SLC6A5: variants seen among roughly 807,000 people sequenced by gnomAD.
The protein encoded by SLC6A5 is sodium- and chloride-dependent glycine transporter 2.
SLC6A5 carries 58 observed loss-of-function variants against 90.5 expected under a neutral mutation model. That is an observed-to-expected ratio of 0.64 (90% confidence interval 0.52 to 0.80). The LOEUF is 0.80. Among genes scored for constraint, SLC6A5 ranks in the 30% least tolerant of loss-of-function variants. The probability of loss-of-function intolerance (pLI) is 0.00; values close to 1 mark genes in which losing one functional copy is unlikely to be tolerated. For missense variants in SLC6A5, 1,015 were observed against 1,017.6 expected (o/e 1.00, Z 0.03); for synonymous variants, 427 against 401.4 (o/e 1.06, Z -0.76).
intron 2 of SLC6A5, among the ~76,000 whole-genome samples, chr11:20,602,445 A>G (rs1208112532): frequency 6.6e-6 from 1 of 152,178 alleles, no homozygotes; most frequent in Admixed American, 6.5e-5. Context: ...ACTCTCTCAT[A>G]TAGGCTTTTG....
intron 3 of SLC6A5, among the ~76,000 whole-genome samples, chr11:20,605,986 G>T (rs1419849942): frequency 6.6e-6 from 1 of 152,250 alleles, no homozygotes; most frequent in Non-Finnish European, 1.5e-5. Flanking sequence ...GCGGAGGGGC[G>T]GGAGCATGAA....
At chr11:20,646,116 A>G (rs770855271) in intron 13 of SLC6A5, among the ~76,000 whole-genome samples, 1 of 152,154 alleles carries the variant, frequency 6.6e-6, no homozygotes, top group Admixed American at 6.5e-5. Context: ...ATATTTCTCA[A>G]TGCCTTTTTC....
intron 14 of SLC6A5, among the ~76,000 whole-genome samples, chr11:20,648,533 A>G (rs1163670856): frequency 1.3e-5 from 2 of 152,132 alleles, no homozygotes; most frequent in African/African-American, 2.4e-5. Flanking sequence ...TAGGCTTTCT[A>G]TCTCTTGAAT....
chr11:20,630,834 C>G lies in SLC6A5; in HGVS notation c.1624+19C>G. The G allele has an allele frequency of 6.2e-7, 1 of 1,613,758 alleles. No individual in the cohort carries two copies. ...GACCAAGGTACAGGACAGTTGTTAC[C>G]CTGCTGTTGCAGGGCAGGTCCCAGG... On this transcript the variant is annotated intron_variant, in intron 10 of 15. Transcript: ENST00000525748.
intron 9 of SLC6A5, among the ~76,000 whole-genome samples, chr11:20,629,889 T>G (rs4923581): frequency 0.77 from 116,841 of 151,840 alleles, 45,358 homozygotes; most frequent in African/African-American, 0.88. Flanking sequence ...ATTTTTTTTT[T>G]TGTGTGTGTA....
intron 10 of SLC6A5, 62 bp from the exon 11 acceptor site, chr11:20,636,245 G>T: frequency 1.0e-6 from 1 of 982,774 alleles, no homozygotes; most frequent in South Asian, 1.3e-5. Context: ...AGGCCCTCTG[G>T]GCTCTGGGAA....
chr11:20,603,596 T>G (rs1459757302), intron 2 of SLC6A5, among the ~76,000 whole-genome samples: 4 of 152,154 alleles, frequency 2.6e-5, no homozygotes, highest in Non-Finnish European at 5.9e-5. Flanking sequence ...TATCAACCTT[T>G]TTTGTTTGTT....
At chr11:20,612,783 C>T (rs900334559) in intron 5 of SLC6A5, among the ~76,000 whole-genome samples, 2 of 152,292 alleles carry the variant, frequency 1.3e-5, no homozygotes, top group Middle Eastern at 3.4e-3. Flanking sequence ...GCTTCCCAAA[C>T]TGTTGGGATT....
chr11:20,610,153 C>G (rs1378607786), intron 5 of SLC6A5, among the ~76,000 whole-genome samples: 1 of 152,216 alleles, frequency 6.6e-6, no homozygotes, highest in East Asian at 1.9e-4. Context: ...AAGAGAATCC[C>G]ATTCCACAGC....
At chr11:20,617,730 C>CT in intron 6 of SLC6A5, 22 bp from the exon 7 acceptor site, 1 of 1,610,684 alleles carries the variant, frequency 6.2e-7, no homozygotes, top group Non-Finnish European at 8.5e-7. Context: ...TCACTCCCCC[C>CT]ATCCCTCCCT....
rs1852812765 is a variant in SLC6A5, at chr11:20,617,873, A to G, written c.1249A>G (p.Thr417Ala). 6.2e-7 allele frequency: 1 copy of G among 1,613,644 alleles called. No individual in the cohort carries two copies. Among genetic ancestry groups the G allele is most frequent in the Non-Finnish European group, 8.5e-7 (1 of 1,179,898 alleles). ...VYASLAKGIK[T>A]SGKVVYFTAT... ...TGCATCATTGGCTAAAGGAATCAAG[A>G]CTTCAGGAAAAGTAAGCACTTGGAT... The change falls in exon 7 of 16, where the codon ACT (threonine) becomes GCT (alanine). Residue 417 changes from threonine (T) to alanine (A), a missense_variant. Thr to Ala is a moderately conservative substitution (Grantham distance 58). This residue lies in a region of SLC6A5 where 442 missense variants were observed against 494.3 expected (regional missense o/e 0.89). Coordinates refer to ENST00000525748, the MANE Select transcript of SLC6A5 (RefSeq NM_004211.5).
chr11:20,606,894 TA>T, intron 3 of SLC6A5, 112 bp from the exon 4 acceptor site: 1 of 1,351,962 alleles, frequency 7.4e-7, no homozygotes, highest in Non-Finnish European at 1.0e-6. Flanking sequence ...GGAATGGAGC[TA>T]AATTGTCCTT....
chr11:20,640,914 T>C (rs1302520863), intron 13 of SLC6A5, among the ~76,000 whole-genome samples: 1 of 152,120 alleles, frequency 6.6e-6, no homozygotes, highest in Admixed American at 6.5e-5. Context: ...ATTGAAGACA[T>C]TTGTGTTTTC....
chr11:20,622,563 C>A (rs1001531079), intron 7 of SLC6A5, among the ~76,000 whole-genome samples: 1 of 152,168 alleles, frequency 6.6e-6, no homozygotes, highest in African/African-American at 2.4e-5. Flanking sequence ...GTCTCAAGAC[C>A]TTGAACGAGA....
chr11:20,626,882 T>C, intron 8 of SLC6A5, 40 bp downstream of exon 8: 1 of 1,594,054 alleles, frequency 6.3e-7, no homozygotes, highest in Non-Finnish European at 8.6e-7. Context: ...CCTGGGGGAG[T>C]GGCCCTCTGG....
chr11:20,624,591 A>G (rs7924947), intron 7 of SLC6A5, among the ~76,000 whole-genome samples: 41,419 of 152,064 alleles, frequency 0.27, 5,760 homozygotes, highest in African/African-American at 0.34. Flanking sequence ...GTCTGTGCAG[A>G]CAGCGTGCGG....
Position 20,601,471 on chromosome 11 carries a change from A to C in SLC6A5, c.346A>C (p.Asn116His). ...SPPPGSSGPGNALHCKIPFLR... is the reference protein window; with the variant it reads ...SPPPGSSGPGHALHCKIPFLR... ...CCCTCCCGGGAGCTCCGGGCCCGGC[A>C]ACGCGCTGCACTGTAAGATCCCTTT... Residue 116 changes from asparagine (N) to histidine (H), a missense_variant, in exon 2 of 16, where the codon AAC becomes CAC. Physicochemically the swap from Asn to His is moderately conservative, Grantham distance 68 (BLOSUM62 1). This residue lies in a region of SLC6A5 where 567 missense variants were observed against 507.3 expected (regional missense o/e 1.12). Transcript: ENST00000525748. 6.2e-7 allele frequency: 1 copy of C among 1,612,142 alleles called. No individual in the cohort carries two copies. Among genetic ancestry groups the C allele is most frequent in the African/African-American group, 1.3e-5 (1 of 75,020 alleles).
chr11:20,654,487 G>A (rs1853602953), intron 15 of SLC6A5, among the ~76,000 whole-genome samples: 1 of 152,198 alleles, frequency 6.6e-6, no homozygotes, highest in African/African-American at 2.4e-5. Flanking sequence ...GCAGGGTGAT[G>A]TAAATAATTT....
intron 15 of SLC6A5, 81 bp from the exon 16 acceptor site, chr11:20,654,632 A>T (rs1853605934): frequency 9.4e-6 from 13 of 1,389,548 alleles, no homozygotes; most frequent in Non-Finnish European, 1.3e-5. Context: ...GGTCATAAGC[A>T]GTTTGGGGAT....
Sources: allele counts gnomAD v4.1 joint callset (sites outside exome capture counted in the v4.1 genomes callset), GRCh38; gene constraint gnomAD v4.1.1; regional missense constraint gnomAD v4.1.1; transcripts MANE v1.5; gene names NCBI Gene and HGNC (gene_info 2026-07-23, HGNC 2026-07-21).